PTPRZ1: variants seen among roughly 807,000 people sequenced by gnomAD.
The protein encoded by PTPRZ1 is protein tyrosine phosphatase receptor type Z1, also known as receptor-type tyrosine-protein phosphatase zeta.
PTPRZ1 carries 82 observed loss-of-function variants against 214.1 expected under a neutral mutation model. The ratio of observed to expected loss-of-function variants is 0.38; its 90% CI spans 0.32 to 0.46. PTPRZ1 has a LOEUF of 0.46. Among genes scored for constraint, PTPRZ1 ranks in the 20% least tolerant of loss-of-function variants. PTPRZ1 has a pLI of 1.00. For synonymous variants in PTPRZ1, 945 were observed against 987.9 expected (o/e 0.96, Z 0.81); for missense variants, 2,603 against 2,748.7 (o/e 0.95, Z 1.19).
At chr7:121,932,936 G>C (rs1795968953) in intron 2 of PTPRZ1, among the ~76,000 whole-genome samples, 1 of 152,024 alleles carries the variant, frequency 6.6e-6, no homozygotes, top group Non-Finnish European at 1.5e-5. Flanking sequence ...AAATACAGTT[G>C]ACAGTCCCAT....
chr7:121,933,888 T>C (rs544233957), intron 2 of PTPRZ1, among the ~76,000 whole-genome samples: 3 of 152,306 alleles, frequency 2.0e-5, no homozygotes, highest in African/African-American at 7.2e-5. Flanking sequence ...CATATTATAT[T>C]TTCCTCTTTG....
chr7:121,958,929 T>C (rs965170729), intron 2 of PTPRZ1, among the ~76,000 whole-genome samples: 6 of 152,152 alleles, frequency 3.9e-5, no homozygotes, highest in African/African-American at 1.4e-4. Flanking sequence ...GTTCAAGCCA[T>C]TCTCCTGCCT....
At chr7:122,004,435 A>G (rs575293531) in intron 10 of PTPRZ1, among the ~76,000 whole-genome samples, 179 bp from the exon 11 acceptor site, 1 of 152,264 alleles carries the variant, frequency 6.6e-6, no homozygotes, top group African/African-American at 2.4e-5. Context: ...GTTGTGTTGT[A>G]GTGTTCAGTA....
At chr7:121,975,536 A>T (rs1797402968) in intron 4 of PTPRZ1, among the ~76,000 whole-genome samples, 1 of 152,136 alleles carries the variant, frequency 6.6e-6, no homozygotes, top group Non-Finnish European at 1.5e-5. Flanking sequence ...CAGAGCACTG[A>T]CTATGCTTTA....
chr7:121,942,430 A>C (rs1415029999), intron 2 of PTPRZ1, among the ~76,000 whole-genome samples: 1 of 152,228 alleles, frequency 6.6e-6, no homozygotes, highest in Non-Finnish European at 1.5e-5. Flanking sequence ...TAATGAAGAA[A>C]GCCAGTTTAG....
chr7:121,897,425 T>C (rs533007942), intron 1 of PTPRZ1, among the ~76,000 whole-genome samples: 18 of 152,328 alleles, frequency 1.2e-4, no homozygotes, highest in African/African-American at 4.3e-4. Flanking sequence ...GTTTTTTACA[T>C]TGATACTGTG....
intron 6 of PTPRZ1, 85 bp downstream of exon 6, chr7:121,976,936 C>A: frequency 8.8e-7 from 1 of 1,136,912 alleles, no homozygotes; most frequent in Non-Finnish European, 1.3e-6. Context: ...GTCACTTGTT[C>A]CAAAAGGTGG....
chr7:121,929,547 C>A (rs998910916), intron 2 of PTPRZ1, among the ~76,000 whole-genome samples: 20 of 149,888 alleles, frequency 1.3e-4, no homozygotes, highest in African/African-American at 4.6e-4. Context: ...GTGGCTCAAG[C>A]CTGTAATCCC....
At chr7:121,975,676 T>C (rs1377107922) in intron 4 of PTPRZ1, among the ~76,000 whole-genome samples, 1 of 152,168 alleles carries the variant, frequency 6.6e-6, no homozygotes, top group Non-Finnish European at 1.5e-5. Flanking sequence ...ATATATGGAC[T>C]GAAGCAGAAA....
At chr7:122,034,067 AC>A (rs759391690) in intron 15 of PTPRZ1, 27 bp from the exon 16 acceptor site, 1 of 1,569,750 alleles carries the variant, frequency 6.4e-7, no homozygotes, top group South Asian at 1.1e-5. Flanking sequence ...TGATTTCTTT[AC>A]TTTTTTGGCA....
At chr7:122,058,995 T>G in intron 28 of PTPRZ1, 53 bp downstream of exon 28, 1 of 1,473,378 alleles carries the variant, frequency 6.8e-7, no homozygotes, top group South Asian at 1.3e-5. Context: ...TGGGCATATG[T>G]ATATTTCTGT....
At chr7:121,969,678 T>A (rs1381251129) in intron 3 of PTPRZ1, among the ~76,000 whole-genome samples, 1 of 152,060 alleles carries the variant, frequency 6.6e-6, no homozygotes, top group African/African-American at 2.4e-5. Flanking sequence ...TTATGTTACA[T>A]GTAATAATTA....
chr7:122,004,836 C>T (rs1291075741), intron 11 of PTPRZ1, among the ~76,000 whole-genome samples, 176 bp downstream of exon 11: 1 of 151,764 alleles, frequency 6.6e-6, no homozygotes, highest in Non-Finnish European at 1.5e-5. Flanking sequence ...ACATGATTCT[C>T]TTATGAAGAA....
intron 10 of PTPRZ1, among the ~76,000 whole-genome samples, chr7:122,002,467 T>A (rs1164702921): frequency 2.0e-5 from 3 of 152,222 alleles, no homozygotes; most frequent in Admixed American, 2.0e-4. Flanking sequence ...TCATTAATAT[T>A]CTTTAGGGGA....
chr7:122,031,470 G>A lies in PTPRZ1; in HGVS notation c.5081-4G>A, dbSNP rs184288962. On this transcript the variant is annotated splice_polypyrimidine_tract_variant and splice_region_variant and intron_variant, in intron 14 of 29. Coordinates refer to ENST00000393386, the MANE Select transcript of PTPRZ1 (RefSeq NM_002851.3). ...TCTCTAACACAATTTTTTTATTCAC[G>A]TAGATGATGTCGGAGCAATTCCAAT... 2.2e-4 allele frequency: 348 copies of A among 1,606,568 alleles called. 1 individual carries two copies. The African/African-American group carries it at 2.6e-3, about 12-fold the overall frequency.
chr7:122,052,622 A>G (rs777820826), intron 25 of PTPRZ1, among the ~76,000 whole-genome samples: 5 of 152,196 alleles, frequency 3.3e-5, no homozygotes, highest in Non-Finnish European at 2.9e-5. Context: ...CACATTTCAA[A>G]TGAGCCACTG....
At chr7:121,988,401 T>C (rs1381516875) in intron 8 of PTPRZ1, among the ~76,000 whole-genome samples, 1 of 152,188 alleles carries the variant, frequency 6.6e-6, no homozygotes, top group Non-Finnish European at 1.5e-5. Flanking sequence ...GTCTCATCCA[T>C]ACAGTTACAT....
intron 3 of PTPRZ1, among the ~76,000 whole-genome samples, chr7:121,970,144 T>C (rs1203014759): frequency 4.6e-5 from 7 of 152,116 alleles, no homozygotes; most frequent in African/African-American, 7.2e-5. Context: ...TCATTTTTTA[T>C]GGCTGCATAG....
intron 9 of PTPRZ1, 127 bp from the exon 10 acceptor site, chr7:121,997,753 C>T (rs1233248726): frequency 4.7e-6 from 3 of 635,930 alleles, no homozygotes; most frequent in African/African-American, 3.9e-5. Flanking sequence ...ATAAACTTTT[C>T]CTTAGGTTAA....
Sources: gnomAD v4.1 joint callset for allele counts (sites outside exome capture counted in the v4.1 genomes callset) on GRCh38, gnomAD v4.1.1 for gene constraint, MANE v1.5 for transcripts, NCBI Gene and HGNC (gene_info 2026-07-23, HGNC 2026-07-21) for gene names.